Variants in SYTL5 observed in about 807,000 individuals in gnomAD.
SYTL5 encodes the protein synaptotagmin-like protein 5.
Under a neutral mutation model 55.9 loss-of-function variants are expected in SYTL5, and 34 were observed. That is an observed-to-expected ratio of 0.61 (90% CI 0.46 to 0.81). SYTL5 has a LOEUF of 0.81. Ranked by LOEUF, SYTL5 falls within the 30% of genes least tolerant of loss-of-function variation. SYTL5 has a pLI of 0.00. For missense variants in SYTL5, 637 were observed against 546.7 expected (o/e 1.17, Z -1.65); for synonymous variants, 221 against 188.7 (o/e 1.17, Z -1.40).
At chrX:38,019,318 T>C (rs1022227419) in intron 1 of SYTL5, among the ~76,000 whole-genome samples, 9 of 112,085 alleles carry the variant, frequency 8.0e-5, no homozygotes, top group African/African-American at 2.9e-4. Flanking sequence ...CCCTTTCTCT[T>C]AGCTTTCCAA....
At chrX:38,116,178 T>C (rs1937485397) in intron 13 of SYTL5, among the ~76,000 whole-genome samples, 1 of 111,872 alleles carries the variant, frequency 8.9e-6, no homozygotes, top group Non-Finnish European at 1.9e-5. Flanking sequence ...GTCCCAATAC[T>C]GTTTATTAAA....
At chrX:38,001,717 T>G (rs1189116573), upstream of SYTL5, among the ~76,000 whole-genome samples, 1 of 111,680 alleles carries the variant, frequency 9.0e-6, no homozygotes, top group Non-Finnish European at 1.9e-5. Flanking sequence ...TATAGGTTGT[T>G]TTCAAATCTT....
At chrX:37,968,749 G>A in the SYTL5 span, among the ~76,000 whole-genome samples, 10 of 111,685 alleles carry the variant, frequency 9.0e-5, no homozygotes, top group South Asian at 2.3e-3. Context: ...TAGGCTGATC[G>A]CTTTCTCAGG....
chrX:37,913,949 G>A, the SYTL5 span, among the ~76,000 whole-genome samples: 9 of 111,935 alleles, frequency 8.0e-5, no homozygotes, highest in Non-Finnish European at 1.7e-4. Context: ...AACCTTCTGT[G>A]TAACCTTGAA....
the SYTL5 span, among the ~76,000 whole-genome samples, chrX:37,918,888 C>A: frequency 9.0e-6 from 1 of 110,627 alleles, no homozygotes; most frequent in African/African-American, 3.3e-5. Context: ...CATCTGACTA[C>A]TAGATTATAA....
chrX:37,960,700 C>T, the SYTL5 span, among the ~76,000 whole-genome samples: 183 of 110,801 alleles, frequency 1.7e-3, no homozygotes, highest in African/African-American at 5.6e-3. Context: ...TCACCAGAGT[C>T]ACTGTTAATG....
the SYTL5 span, among the ~76,000 whole-genome samples, chrX:37,995,009 T>A: frequency 1.8e-5 from 2 of 109,606 alleles, no homozygotes; most frequent in Admixed American, 9.7e-5. Flanking sequence ...GGGGAAGGGG[T>A]GGCCAGTGTG....
intron 2 of SYTL5, among the ~76,000 whole-genome samples, chrX:38,036,343 C>A (rs1329327980): frequency 2.7e-5 from 3 of 110,814 alleles, no homozygotes; most frequent in African/African-American, 9.9e-5. Flanking sequence ...TTATTATACT[C>A]TTTCTTCCTT....
chrX:38,101,975 G>A (rs1301509117), intron 9 of SYTL5, among the ~76,000 whole-genome samples: 1 of 109,950 alleles, frequency 9.1e-6, no homozygotes, highest in Non-Finnish European at 1.9e-5. Flanking sequence ...GTGTGTGTGT[G>A]TGTGTTTGCA....
intron 13 of SYTL5, among the ~76,000 whole-genome samples, chrX:38,115,504 A>AG (rs1937468701): frequency 9.7e-6 from 1 of 103,186 alleles, no homozygotes; most frequent in Non-Finnish European, 2.0e-5. Flanking sequence ...AAAAAAAAAA[A>AG]AAAAAAGATA....
At position 38,043,702 on chromosome X, in the gene SYTL5, T is replaced by TATATAC. The variant is rs1336463479; in HGVS notation, c.119+9695_119+9696insTATACA. The stretch of plus-strand genomic sequence containing the variant: ...ATATATATATATATACATATATATA[T>TATATAC]ACATATTTTCATATAGCTGGAAATT... On this transcript the variant is annotated intron_variant, in intron 2 of 16. Coordinates refer to ENST00000297875, the MANE Select transcript of SYTL5 (RefSeq NM_138780.3). 1.3e-3 allele frequency among the ~76,000 whole-genome samples: 113 copies of TATATAC among 89,687 alleles called. 1 individual carries two copies. The highest frequency in any genetic ancestry group is 2.1e-3 in the Non-Finnish European group (94 of 45,422). 77.9% of individuals were successfully genotyped at this position (89,687 alleles called of 115,157 possible). A position where few individuals can be genotyped will look rare whatever the true frequency, so the allele number is the denominator to read the frequency against.
At chrX:37,955,289 A>G in the SYTL5 span, among the ~76,000 whole-genome samples, 1 of 112,124 alleles carries the variant, frequency 8.9e-6, no homozygotes, top group East Asian at 2.8e-4. Context: ...ATGATTACAC[A>G]TTGGTCTCTT....
chrX:37,920,917 C>T, the SYTL5 span, among the ~76,000 whole-genome samples: 1 of 111,601 alleles, frequency 9.0e-6, no homozygotes, highest in East Asian at 2.8e-4. Context: ...CACCTGACTA[C>T]TGACTTCATT....
At chrX:37,988,444 G>A in the SYTL5 span, among the ~76,000 whole-genome samples, 7 of 112,287 alleles carry the variant, frequency 6.2e-5, no homozygotes, top group Non-Finnish European at 9.4e-5. Context: ...GCAGCCATAG[G>A]GATCTATCAC....
At chrX:38,059,667 T>C (rs1391526561) in intron 3 of SYTL5, among the ~76,000 whole-genome samples, 1 of 110,826 alleles carries the variant, frequency 9.0e-6, no homozygotes, top group Non-Finnish European at 1.9e-5. Context: ...GTTAGTAGAG[T>C]TGGGATGAGT....
chrX:38,059,820 G>T (rs1399378456), intron 3 of SYTL5, among the ~76,000 whole-genome samples: 2 of 111,401 alleles, frequency 1.8e-5, no homozygotes, highest in Non-Finnish European at 3.8e-5. Context: ...TGACTGATTT[G>T]CTAGTCCTCA....
At chrX:37,908,088 G>A in the SYTL5 span, among the ~76,000 whole-genome samples, 4 of 96,305 alleles carry the variant, frequency 4.2e-5, no homozygotes, top group African/African-American at 1.6e-4. Context: ...CTACATTCTA[G>A]TTTGGGTGAC....
the SYTL5 span, among the ~76,000 whole-genome samples, chrX:37,937,062 A>G: frequency 1.8e-5 from 2 of 108,268 alleles, no homozygotes; most frequent in Non-Finnish European, 3.8e-5. Context: ...AAAAAAAAAA[A>G]AAGTACGTTG....
chrX:37,965,916 A>G, the SYTL5 span, among the ~76,000 whole-genome samples: 1 of 112,372 alleles, frequency 8.9e-6, no homozygotes, highest in Non-Finnish European at 1.9e-5. Context: ...AAGTATAGCT[A>G]CTGTTCCTCT....
Sources: gnomAD v4.1 joint callset for allele counts (sites outside exome capture counted in the v4.1 genomes callset) on GRCh38, gnomAD v4.1.1 for gene constraint, MANE v1.5 for transcripts, NCBI Gene and HGNC (gene_info 2026-07-23, HGNC 2026-07-21) for gene names.